Variants in SHLD2 observed in about 807,000 individuals in gnomAD.
SHLD2 encodes the protein RINN1-REV7-interacting novel NHEJ regulator 2.
Under a neutral mutation model 73.2 loss-of-function variants are expected in SHLD2, and 30 were observed. That is an observed-to-expected ratio of 0.41 (90% CI 0.31 to 0.56). The LOEUF (loss-of-function observed/expected upper bound fraction) is 0.56, where lower values mean the gene tolerates loss of function less well. Among genes scored for constraint, SHLD2 ranks in the 20% least tolerant of loss-of-function variants. The probability of loss-of-function intolerance (pLI) is 0.28; values close to 1 mark genes in which losing one functional copy is unlikely to be tolerated. For synonymous variants in SHLD2, 285 were observed against 370.1 expected, an observed-to-expected ratio of 0.77 and a Z score of 2.64; for missense variants, 745 against 1,055.9, an observed-to-expected ratio of 0.71 and a Z score of 4.08.
intron 9 of SHLD2, 106 bp from the exon 10 acceptor site, chr10:87,190,378 G>A (rs1848987766): frequency 1.0e-6 from 1 of 961,076 alleles, no homozygotes; most frequent in East Asian, 2.4e-5. Flanking sequence ...AATTTAAAAT[G>A]GGTTTGAGAC....
chr10:87,121,286 A>C (rs1272284230), intron 2 of SHLD2, among the ~76,000 whole-genome samples: 1 of 151,606 alleles, frequency 6.6e-6, no homozygotes, highest in Admixed American at 6.6e-5. Context: ...CACTATGCCT[A>C]GCTAATTTTT....
chr10:87,119,992 A>G (rs745491244), intron 2 of SHLD2, among the ~76,000 whole-genome samples: 10 of 152,078 alleles, frequency 6.6e-5, no homozygotes, highest in Non-Finnish European at 1.2e-4. Context: ...ATCCTGAGCA[A>G]AGAAAAAATA....
chr10:87,160,184 A>T (rs1319234193), intron 4 of SHLD2, among the ~76,000 whole-genome samples: 2 of 152,008 alleles, frequency 1.3e-5, no homozygotes, highest in Non-Finnish European at 2.9e-5. Flanking sequence ...TTTCCCTTTC[A>T]GTATCAATAA....
At chr10:87,177,179 C>T (rs147780919) in intron 7 of SHLD2, among the ~76,000 whole-genome samples, 7,591 of 152,216 alleles carry the variant, frequency 0.05, 279 homozygotes, top group Non-Finnish European at 0.068. Context: ...ATGCCAGACA[C>T]AGTTGAGGGG....
intron 2 of SHLD2, among the ~76,000 whole-genome samples, chr10:87,136,140 C>T (rs999311161): frequency 2.6e-5 from 4 of 151,564 alleles, no homozygotes; most frequent in Non-Finnish European, 5.9e-5. Context: ...ATATTTTATA[C>T]CTTGGGTTAA....
At chr10:87,108,292 G>C (rs925322500) in intron 2 of SHLD2, among the ~76,000 whole-genome samples, 1 of 152,024 alleles carries the variant, frequency 6.6e-6, no homozygotes, top group African/African-American at 2.4e-5. Context: ...CAGGTGATCC[G>C]CCCTCCTTGG....
chr10:87,107,933 G>C (rs983048768), intron 2 of SHLD2, among the ~76,000 whole-genome samples: 2 of 151,916 alleles, frequency 1.3e-5, no homozygotes, highest in Non-Finnish European at 2.9e-5. Context: ...CACCAGGCTG[G>C]AGTGCAGTGG....
rs764451792 is a variant in SHLD2, at chr10:87,180,147, A to C, written c.2243A>C (p.Asn748Thr). ...ACAGCATCTCAGAAGATAGCGCTAA[A>C]TGCTCACAGTTCTCTGAAGAGTATT... ...PITASQKIAL[N>T]AHSSLKSIFS... is the part of the protein sequence containing the mutation. The change falls in exon 8 of 10, where the codon AAT becomes ACT. Residue 748 changes from asparagine (N) to threonine (T), a missense_variant. This residue lies in a region of SHLD2 where 418 missense variants were observed against 567.8 expected (regional missense o/e 0.74). Coordinates refer to ENST00000298786, the MANE Select transcript of SHLD2 (RefSeq NM_001330112.2). 1.2e-6 allele frequency: 2 copies of C among 1,613,908 alleles called. No homozygotes were observed. The highest frequency in any genetic ancestry group is 2.2e-5 in the South Asian group (2 of 91,076).
At chr10:87,137,969 G>T (rs1424015038) in intron 2 of SHLD2, among the ~76,000 whole-genome samples, 1 of 152,060 alleles carries the variant, frequency 6.6e-6, no homozygotes, top group Non-Finnish European at 1.5e-5. Context: ...CCAGGAGTTC[G>T]AGTCCAGCCT....
chr10:87,149,975 C>G (rs1177252001), intron 2 of SHLD2, among the ~76,000 whole-genome samples: 1 of 152,026 alleles, frequency 6.6e-6, no homozygotes, highest in Non-Finnish European at 1.5e-5. Flanking sequence ...GCCTCGAACT[C>G]CTGGTCTCAA....
chr10:87,187,790 T>C (rs2134776055), intron 9 of SHLD2, among the ~76,000 whole-genome samples: 1 of 152,290 alleles, frequency 6.6e-6, no homozygotes, highest in Non-Finnish European at 1.5e-5. Context: ...AGTAGAACAG[T>C]ACAAACTGAG....
intron 7 of SHLD2, among the ~76,000 whole-genome samples, chr10:87,178,465 A>G (rs1488502120): frequency 6.6e-6 from 1 of 151,670 alleles, no homozygotes; most frequent in Non-Finnish European, 1.5e-5. Flanking sequence ...CTGTAATCCC[A>G]GCATTCTGGG....
intron 2 of SHLD2, among the ~76,000 whole-genome samples, chr10:87,121,834 G>A (rs1478289223): frequency 3.4e-5 from 5 of 147,100 alleles, no homozygotes; most frequent in African/African-American, 1.3e-4. Context: ...GTGTGATCTC[G>A]GCTCACTGCA....
chr10:87,173,969 G>T (rs1847779849), intron 6 of SHLD2, among the ~76,000 whole-genome samples: 1 of 152,098 alleles, frequency 6.6e-6, no homozygotes, highest in South Asian at 2.1e-4. Flanking sequence ...GAAGATATGG[G>T]AAAACAGCTA....
intron 2 of SHLD2, among the ~76,000 whole-genome samples, chr10:87,132,884 C>CTT (rs1380118560): frequency 6.6e-6 from 1 of 152,084 alleles, no homozygotes; most frequent in Non-Finnish European, 1.5e-5. Context: ...TTTTATTGAG[C>CTT]TTTTATTGGG....
At chr10:87,113,607 G>A (rs1421302720) in intron 2 of SHLD2, among the ~76,000 whole-genome samples, 2 of 152,178 alleles carry the variant, frequency 1.3e-5, no homozygotes, top group Non-Finnish European at 1.5e-5. Flanking sequence ...TTCTTTTTAG[G>A]TGATAGAAAT....
In SHLD2 at chr10:87,180,308, G is replaced by A. The variant is rs751747337; in HGVS notation, c.2399+5G>A. 6 of 1,600,564 alleles carry A rather than the reference G, an allele frequency of 3.7e-6. No individual in the cohort carries two copies. The highest frequency in any genetic ancestry group is 3.4e-5 in the Admixed American group (2 of 58,684). ...TATGAAGAAAATATATTATAGGTAA[G>A]GCAACTAAGCAAGCCAATTTGATGG... is the stretch of plus-strand genomic sequence containing the variant. On this transcript the variant is annotated splice_donor_5th_base_variant and intron_variant, in intron 8 of 9. Coordinates refer to ENST00000298786, the MANE Select transcript of SHLD2 (RefSeq NM_001330112.2).
chr10:87,095,174 CGGG>C (rs1841720050), upstream of SHLD2: 5 of 10,784 alleles, frequency 4.6e-4, no homozygotes, highest in East Asian at 0.021. Flanking sequence ...CGGGGCGGGT[CGGG>C]GCGGGTCGGG....
At chr10:87,188,581 A>T (rs1848782943) in intron 9 of SHLD2, among the ~76,000 whole-genome samples, 1 of 152,162 alleles carries the variant, frequency 6.6e-6, no homozygotes, top group South Asian at 2.1e-4. Context: ...GAGGATGCAG[A>T]TGTTCCTTAT....
Sources: allele counts gnomAD v4.1 joint callset (sites outside exome capture counted in the v4.1 genomes callset), GRCh38; gene constraint gnomAD v4.1.1; regional missense constraint gnomAD v4.1.1; transcripts MANE v1.5; gene names NCBI Gene and HGNC (gene_info 2026-07-23, HGNC 2026-07-21).